The following MDGA2 variants were observed in gnomAD, a reference collection of about 807,000 sequenced individuals.
MDGA2 encodes MAM domain containing glycosylphosphatidylinositol anchor 2, also known as MAM domain-containing glycosylphosphatidylinositol anchor protein 2.
Under a neutral mutation model 117.8 loss-of-function variants are expected in MDGA2, and 40 were observed. The ratio of observed to expected loss-of-function variants is 0.34; its 90% CI spans 0.26 to 0.44. The LOEUF is 0.44. Ranked by LOEUF, MDGA2 falls within the 20% of genes least tolerant of loss-of-function variation. The probability of loss-of-function intolerance (pLI) is 1.00; values close to 1 mark genes in which losing one functional copy is unlikely to be tolerated. For synonymous variants in MDGA2, 452 were observed against 439.0 expected (o/e 1.03, Z -0.37); for missense variants, 1,123 against 1,250.6 (o/e 0.90, Z 1.54).
chr14:46,864,660 A>T (rs1881670818), intron 14 of MDGA2, among the ~76,000 whole-genome samples: 1 of 137,552 alleles, frequency 7.3e-6, no homozygotes, highest in Admixed American at 8.6e-5. Flanking sequence ...CTATAGCATT[A>T]TTTTCACATT....
chr14:47,129,510 G>C (rs1318828379), intron 5 of MDGA2, among the ~76,000 whole-genome samples: 3 of 148,892 alleles, frequency 2.0e-5, no homozygotes, highest in Admixed American at 1.3e-4. Flanking sequence ...ATTTGGGTTG[G>C]TTCCAAGTCT....
intron 1 of MDGA2, among the ~76,000 whole-genome samples, chr14:47,515,448 T>G (rs570708961): frequency 3.4e-4 from 52 of 152,290 alleles, no homozygotes; most frequent in Admixed American, 2.8e-3. Context: ...GTCTGCTATC[T>G]TTGTATAGAG....
chr14:47,469,467 G>C (rs903092066), intron 1 of MDGA2, among the ~76,000 whole-genome samples: 8 of 152,068 alleles, frequency 5.3e-5, no homozygotes, highest in East Asian at 1.9e-4. Context: ...ATCCATGTCC[G>C]TACAAAGGAC....
chr14:46,919,154 G>A (rs189158308), intron 10 of MDGA2, among the ~76,000 whole-genome samples: 214 of 152,248 alleles, frequency 1.4e-3, no homozygotes, highest in African/African-American at 4.9e-3. Flanking sequence ...AATCGTTGGA[G>A]GTTGATCAGT....
At chr14:47,065,190 T>C (rs978857957) in intron 6 of MDGA2, among the ~76,000 whole-genome samples, 13 of 152,192 alleles carry the variant, frequency 8.5e-5, no homozygotes, top group African/African-American at 2.9e-4. Context: ...CATTGCAATG[T>C]AACTATAGCC....
intron 1 of MDGA2, among the ~76,000 whole-genome samples, chr14:47,446,752 A>C (rs1893130956): frequency 6.6e-6 from 1 of 152,106 alleles, no homozygotes; most frequent in Non-Finnish European, 1.5e-5. Flanking sequence ...AAAAAGCCTA[A>C]GCCAGGGTAT....
chr14:47,175,520 A>G (rs1884400173), intron 3 of MDGA2, among the ~76,000 whole-genome samples: 1 of 151,384 alleles, frequency 6.6e-6, no homozygotes, highest in South Asian at 2.1e-4. Context: ...AATGTAATCC[A>G]GCATATAAAC....
chr14:47,040,187 C>G (rs1889012718), intron 7 of MDGA2, among the ~76,000 whole-genome samples: 1 of 152,064 alleles, frequency 6.6e-6, no homozygotes, highest in African/African-American at 2.4e-5. Context: ...CTAATATATA[C>G]ATTAAATAGC....
chr14:47,130,681 G>A lies in MDGA2; in HGVS notation c.925+1033C>T, dbSNP rs1050834790. On this transcript the variant is annotated intron_variant, in intron 5 of 16. Coordinates refer to ENST00000399232, the MANE Select transcript of MDGA2 (RefSeq NM_001113498.3). Reference sequence around the variant, plus strand: ...AAAGTGTGTTTCACATGCTTTATACGTATCCACTCATTAATTCTTTCTACA... The same window carrying A: ...AAAGTGTGTTTCACATGCTTTATACATATCCACTCATTAATTCTTTCTACA... Among the ~76,000 whole-genome samples the A allele has an allele frequency of 1.2e-4, 19 of 152,118 alleles. No individual in the cohort carries two copies. The East Asian group carries it at 1.9e-3, about 15-fold the overall frequency.
intron 1 of MDGA2, among the ~76,000 whole-genome samples, chr14:47,319,916 T>C (rs1889928714): frequency 6.6e-6 from 1 of 152,092 alleles, no homozygotes; most frequent in Admixed American, 6.6e-5. Context: ...ATTGAAATCT[T>C]TAGAGTGGGC....
At chr14:47,454,573 T>A (rs565193398) in intron 1 of MDGA2, among the ~76,000 whole-genome samples, 1 of 152,350 alleles carries the variant, frequency 6.6e-6, no homozygotes, top group South Asian at 2.1e-4. Flanking sequence ...AAACTGTGTA[T>A]ATAGTTTTCA....
intron 1 of MDGA2, among the ~76,000 whole-genome samples, chr14:47,591,543 C>T (rs2138859684): frequency 6.6e-6 from 1 of 152,102 alleles, no homozygotes; most frequent in Admixed American, 6.6e-5. Context: ...TGTGAAAATC[C>T]CCAATAAAGT....
In MDGA2 at chr14:46,882,040, T is replaced by G; in HGVS notation, c.2416+4A>C. 1.3e-6 allele frequency: 2 copies of G among 1,564,798 alleles called. No individual in the cohort carries two copies. The highest frequency in any genetic ancestry group is 2.7e-5 in the African/African-American group (2 of 73,568). On this transcript the variant is annotated splice_donor_region_variant and intron_variant, in intron 11 of 16. Transcript: ENST00000399232. ...TAAATAATTTTAAATGAAAGGCTAC[T>G]TACCACTATATTTGATCACACGAAT...
chr14:46,970,907 T>TA (rs760661213), intron 8 of MDGA2, among the ~76,000 whole-genome samples: 3 of 151,992 alleles, frequency 2.0e-5, no homozygotes, highest in Non-Finnish European at 4.4e-5. Context: ...AAAGAAGACA[T>TA]AAAAAATGGC....
chr14:47,214,222 C>T (rs1886002738), intron 3 of MDGA2, among the ~76,000 whole-genome samples: 1 of 151,962 alleles, frequency 6.6e-6, no homozygotes. Flanking sequence ...CACTCAGAAG[C>T]GATTTACCCC....
At chr14:47,120,283 G>T (rs932847279) in intron 5 of MDGA2, among the ~76,000 whole-genome samples, 3 of 152,058 alleles carry the variant, frequency 2.0e-5, no homozygotes, top group African/African-American at 7.2e-5. Context: ...TAGGTCCCCA[G>T]AACATGAGGG....
At chr14:47,605,776 T>C (rs1354980470) in intron 1 of MDGA2, among the ~76,000 whole-genome samples, 1 of 152,210 alleles carries the variant, frequency 6.6e-6, no homozygotes, top group African/African-American at 2.4e-5. Context: ...CAGTAGGTTT[T>C]CAAAATCTCT....
chr14:47,344,590 TTTTG>T (rs765445004), intron 1 of MDGA2, among the ~76,000 whole-genome samples: 197 of 152,170 alleles, frequency 1.3e-3, no homozygotes, highest in African/African-American at 1.9e-3. Context: ...TTTTCTTTGT[TTTTG>T]TTTGTTTGTT....
rs150573314 is a variant in MDGA2, at chr14:47,651,897, A to G, written c.280+22620T>C. 6.7e-4 allele frequency among the ~76,000 whole-genome samples: 102 copies of G among 152,326 alleles called. 1 individual carries two copies. Among genetic ancestry groups the G allele is most frequent in the Non-Finnish European group, 1.3e-3 (88 of 68,028 alleles). The stretch of plus-strand genomic sequence containing the variant: ...GAGAAGAGGTAGGATGAGGAGAAAG[A>G]GTTGGGTAGACCAAGAGTCCAGCTT... On this transcript the variant is annotated intron_variant, in intron 1 of 16. Coordinates refer to ENST00000399232, the MANE Select transcript of MDGA2 (RefSeq NM_001113498.3).
Sources: allele counts gnomAD v4.1 joint callset (sites outside exome capture counted in the v4.1 genomes callset), GRCh38; gene constraint gnomAD v4.1.1; transcripts MANE v1.5; gene names NCBI Gene and HGNC (gene_info 2026-07-23, HGNC 2026-07-21).